SCPEP1: variants seen among roughly 807,000 people sequenced by gnomAD.
SCPEP1 encodes the protein retinoid-inducible serine carboxypeptidase.
SCPEP1 carries 51 observed loss-of-function variants against 63.8 expected under a neutral mutation model. The observed-to-expected ratio is 0.80, with a 90% CI of 0.64 to 1.01. The LOEUF (loss-of-function observed/expected upper bound fraction) is 1.01. Ranked by LOEUF, SCPEP1 falls within the 50% of genes least tolerant of loss-of-function variation. The pLI is 0.00. For synonymous variants in SCPEP1, 204 were observed against 207.8 expected (o/e 0.98, Z 0.16); for missense variants, 499 against 554.9 (o/e 0.90, Z 1.01).
At position 57,000,987 on chromosome 17, in the gene SCPEP1, C is replaced by T; in HGVS notation, c.1127C>T (p.Thr376Ile). Residue 376 changes from threonine (T) to isoleucine (I), a missense_variant, in exon 11 of 13, where the codon ACC becomes ATC. Thr to Ile is a moderately conservative substitution (Grantham distance 89). Transcript: ENST00000262288. ...GGACAGCTGGATCTCATCGTAGATA[C>T]CATGGGTAGGAATTGACTCTGAGAG... is the stretch of plus-strand genomic sequence containing the variant. ...YNGQLDLIVD[T>I]MGQEAWVRKL... is the part of the protein sequence containing the mutation. 6.2e-7 allele frequency: 1 copy of T among 1,614,046 alleles called. No individual in the cohort carries two copies. The highest frequency in any genetic ancestry group is 8.5e-7 in the Non-Finnish European group (1 of 1,179,992).
chr17:56,998,321 A>G, intron 9 of SCPEP1, 64 bp from the exon 10 acceptor site: 2 of 1,179,994 alleles, frequency 1.7e-6, no homozygotes, highest in Non-Finnish European at 2.5e-6. Context: ...AAAAAAAAAA[A>G]AAAAGATGTC....
intron 7 of SCPEP1, 101 bp from the exon 8 acceptor site, chr17:56,995,406 T>C: frequency 7.8e-7 from 1 of 1,283,316 alleles, no homozygotes; most frequent in Non-Finnish European, 1.1e-6. Flanking sequence ...GCTCCCGTTC[T>C]CCTTCCTTCC....
At chr17:56,991,668 G>T (rs1335222037) in intron 6 of SCPEP1, among the ~76,000 whole-genome samples, 2 of 152,244 alleles carry the variant, frequency 1.3e-5, no homozygotes, top group African/African-American at 4.8e-5. Context: ...GAGCATCCGT[G>T]TTGCGAGCAT....
rs146730179 is a variant in SCPEP1, at chr17:56,994,108, G to A, written c.620-873G>A. Reference sequence around the variant, plus strand: ...TCCTAGCACTTTGGGAGACCAAAGCGAGCAGATTGCTTGAGCCCAAAAGTT... The same window carrying A: ...TCCTAGCACTTTGGGAGACCAAAGCAAGCAGATTGCTTGAGCCCAAAAGTT... On this transcript the variant is annotated intron_variant, in intron 6 of 12. Transcript: ENST00000262288. 3.5e-3 allele frequency among the ~76,000 whole-genome samples: 536 copies of A among 152,302 alleles called. 3 individuals are homozygous for A. The highest frequency in any genetic ancestry group is 0.012 in the African/African-American group (516 of 41,580).
intron 2 of SCPEP1, chr17:56,983,376 C>T (rs1331611702): frequency 6.6e-6 from 1 of 152,182 alleles, no homozygotes; most frequent in Non-Finnish European, 1.5e-5. Context: ...TTGATCCTAC[C>T]TCATCCTAAT....
At chr17:56,982,384 G>A (rs749778701) in intron 2 of SCPEP1, among the ~76,000 whole-genome samples, 8 of 152,166 alleles carry the variant, frequency 5.3e-5, no homozygotes, top group South Asian at 2.1e-4. Context: ...GAGATAGAGC[G>A]AAAATGAGCA....
At chr17:57,005,913 A>G (rs1469146296) in intron 12 of SCPEP1, among the ~76,000 whole-genome samples, 1 of 152,192 alleles carries the variant, frequency 6.6e-6, no homozygotes, top group African/African-American at 2.4e-5. Flanking sequence ...TCAGCTCCAA[A>G]TGGAGTAGAA....
chr17:56,987,485 C>T (rs1206565854), intron 3 of SCPEP1: 11 of 366,440 alleles, frequency 3.0e-5, no homozygotes, highest in African/African-American at 2.2e-4. Context: ...TTTTTTGCGG[C>T]GGCGGGGGCG....
chr17:56,998,656 A>G (rs910442228), intron 10 of SCPEP1, among the ~76,000 whole-genome samples, 158 bp downstream of exon 10: 1 of 152,194 alleles, frequency 6.6e-6, no homozygotes, highest in Admixed American at 6.5e-5. Flanking sequence ...GAGCAAATAG[A>G]TACAGAGACA....
intron 2 of SCPEP1, among the ~76,000 whole-genome samples, chr17:56,981,872 G>A (rs3095498): frequency 0.17 from 25,678 of 152,114 alleles, 2,388 homozygotes; most frequent in African/African-American, 0.24. Context: ...GCAAAGACCT[G>A]AGGTAGCCTG....
rs1166775639 is a variant in SCPEP1 at position 56,985,205 on chromosome 17, A to T, written c.226-173A>T. Reference sequence around the variant, plus strand: ...CTTTCAGAGAAAAACCTCAGCAGTTACTAGGGGAGCTTTGCTAATGTGGAA... The same window carrying T: ...CTTTCAGAGAAAAACCTCAGCAGTTTCTAGGGGAGCTTTGCTAATGTGGAA... On this transcript the variant is annotated intron_variant, in intron 2 of 12. Coordinates refer to ENST00000262288, the MANE Select transcript of SCPEP1 (RefSeq NM_021626.3). 9.7e-6 allele frequency: 6 copies of T among 621,156 alleles called. No individual in the cohort carries two copies. In the East Asian group the frequency reaches 1.6e-4, roughly 17 times the overall value. The allele number at this position is 621,156 out of a possible 1,614,324, so 38.5% of individuals were successfully genotyped here.
Position 57,000,847 on chromosome 17 carries a change from A to G in SCPEP1, c.995-8A>G. The stretch of plus-strand genomic sequence containing the variant: ...AGCTACTCCCTCTTTCTCCTTCCCC[A>G]TGTGCAGGCCAGGCTACCAACGTCT... On this transcript the variant is annotated splice_region_variant and splice_polypyrimidine_tract_variant and intron_variant, in intron 10 of 12. Coordinates refer to ENST00000262288, the MANE Select transcript of SCPEP1 (RefSeq NM_021626.3). 1.2e-6 allele frequency: 2 copies of G among 1,613,894 alleles called. No homozygotes were observed. The highest frequency in any genetic ancestry group is 1.1e-5 in the South Asian group (1 of 91,066).
Position 57,000,964 on chromosome 17 carries a change from ACAGCTGGATCT to A in SCPEP1, c.1107_1117del (p.Gln369HisfsTer21), listed in dbSNP as rs1567870030. Reference sequence around the variant, plus strand: ...GGATCAACGTGACGGTGTATAATGGACAGCTGGATCTCATCGTAGATACCATGGGTAGGAAT... The same window carrying A: ...GGATCAACGTGACGGTGTATAATGGACATCGTAGATACCATGGGTAGGAAT... On this transcript the variant is annotated frameshift_variant, in exon 11 of 13. Coordinates refer to ENST00000262288, the MANE Select transcript of SCPEP1 (RefSeq NM_021626.3). LOFTEE classifies it high-confidence loss of function. 3 of 1,614,024 alleles carry A rather than the reference ACAGCTGGATCT, an allele frequency of 1.9e-6. No individual in the cohort carries two copies. The highest frequency in any genetic ancestry group is 2.5e-6 in the Non-Finnish European group (3 of 1,180,020).
In SCPEP1 at chr17:56,989,903, C is replaced by T. The variant is rs186284780; in HGVS notation, c.547-1196C>T. ...CAGAGGTTGCAGTGAGCTGAGATTG[C>T]GCCTCTAGTCTGGGTGACAGAGCGA... On this transcript the variant is annotated intron_variant, in intron 5 of 12. Transcript: ENST00000262288. Among the ~76,000 whole-genome samples, 333 of 151,600 alleles carry T rather than the reference C, an allele frequency of 2.2e-3. 1 individual carries two copies. The highest frequency in any genetic ancestry group is 7.6e-3 in the African/African-American group (315 of 41,320).
intron 12 of SCPEP1, among the ~76,000 whole-genome samples, chr17:57,005,890 A>G (rs888243414): frequency 2.0e-5 from 3 of 152,186 alleles, no homozygotes; most frequent in Admixed American, 6.5e-5. Flanking sequence ...ACCCTTACCA[A>G]GAAATCAACA....
intron 12 of SCPEP1, among the ~76,000 whole-genome samples, chr17:57,002,739 C>T (rs1193901538): frequency 1.3e-5 from 2 of 151,574 alleles, no homozygotes; most frequent in Non-Finnish European, 2.9e-5. Flanking sequence ...GGCACGGTGG[C>T]GCATGCCTGT....
At chr17:56,999,136 A>G (rs1330709236) in intron 10 of SCPEP1, among the ~76,000 whole-genome samples, 1 of 152,170 alleles carries the variant, frequency 6.6e-6, no homozygotes, top group East Asian at 1.9e-4. Flanking sequence ...ATAATAAAAA[A>G]TTAAGATAAA....
At position 56,998,383 on chromosome 17, in the gene SCPEP1, A is replaced by T; in HGVS notation, c.881-2A>T. 6.2e-7 allele frequency: 1 copy of T among 1,605,146 alleles called. No homozygotes were observed. Among genetic ancestry groups the T allele is most frequent in the Non-Finnish European group, 8.5e-7 (1 of 1,174,008 alleles). ...ACTCACTATCTACCAGTTTGGTTTT[A>T]GTTTGTCTTTGTCAGCGCCACGTGA... On this transcript the variant is annotated splice_acceptor_variant, in intron 9 of 12. Transcript: ENST00000262288. LOFTEE classifies it high-confidence loss of function.
Position 57,002,051 on chromosome 17 carries a change from C to G in SCPEP1, c.1166C>G (p.Pro389Arg). The G allele has an allele frequency of 5.0e-6, 8 of 1,614,176 alleles. No homozygotes were observed. The highest frequency in any genetic ancestry group is 6.8e-6 in the Non-Finnish European group (8 of 1,180,022). The change falls in exon 12 of 13, where the codon CCA becomes CGA. Residue 389 changes from proline to arginine, a missense_variant. Transcript: ENST00000262288. ...GCCTGGGTGCGGAAACTGAAGTGGCCAGAACTGCCTAAATTCAGTCAGCTG... is the reference window on the plus strand; with the variant it reads ...GCCTGGGTGCGGAAACTGAAGTGGCGAGAACTGCCTAAATTCAGTCAGCTG... The part of the protein sequence containing the change: ...QEAWVRKLKW[P>R]ELPKFSQLKW...
Sources: gnomAD v4.1 joint callset for allele counts (sites outside exome capture counted in the v4.1 genomes callset) on GRCh38, gnomAD v4.1.1 for gene constraint, MANE v1.5 for transcripts, NCBI Gene and HGNC (gene_info 2026-07-23, HGNC 2026-07-21) for gene names.